NBAS: variants seen among roughly 807,000 people sequenced by gnomAD.
NBAS encodes NBAS subunit of NRZ tethering complex.
Under a neutral mutation model 302.5 loss-of-function variants are expected in NBAS, and 219 were observed. The observed-to-expected ratio is 0.72, with a 90% confidence interval of 0.65 to 0.81. The LOEUF (loss-of-function observed/expected upper bound fraction) is 0.81, where lower values mean the gene tolerates loss of function less well. Ranked by LOEUF, NBAS falls within the 30% of genes least tolerant of loss-of-function variation. The pLI is 0.00. For missense variants in NBAS, 2,932 were observed against 2,841.6 expected, an observed-to-expected ratio of 1.03 and a Z score of -0.72; for synonymous variants, 1,118 against 1,021.6, an observed-to-expected ratio of 1.09 and a Z score of -1.80.
intron 47 of NBAS, among the ~76,000 whole-genome samples, chr2:15,229,021 A>G (rs1320173874): frequency 1.3e-5 from 2 of 152,186 alleles, no homozygotes; most frequent in African/African-American, 4.8e-5. Context: ...GGATATGGTA[A>G]TTATACCAAT....
intron 10 of NBAS, among the ~76,000 whole-genome samples, chr2:15,506,749 A>C (rs1304112609): frequency 6.6e-6 from 1 of 151,904 alleles, no homozygotes; most frequent in Non-Finnish European, 1.5e-5. Context: ...AAAAGTAGAC[A>C]CCAATGTACA....
the NBAS span, among the ~76,000 whole-genome samples, chr2:15,076,403 G>A: frequency 6.6e-6 from 1 of 152,286 alleles, no homozygotes; most frequent in South Asian, 2.1e-4. Flanking sequence ...TTTTAGTCAT[G>A]CTAATTTGAA....
rs1453564044 is a variant in NBAS, at chr2:15,289,505, TG to T, written c.5028-2323del. Among the ~76,000 whole-genome samples, 15 of 152,292 alleles carry T rather than the reference TG, an allele frequency of 9.8e-5. No individual in the cohort carries two copies. The East Asian group carries it at 2.9e-3, about 29-fold the overall frequency. On this transcript the variant is annotated intron_variant, in intron 41 of 51. Coordinates refer to ENST00000281513, the MANE Select transcript of NBAS (RefSeq NM_015909.4). ...CATTACTAATTCATCCTTTCTATTA[TG>T]GGGTTATGGCACATTGCCTGGCACA...
the NBAS span, among the ~76,000 whole-genome samples, chr2:14,979,109 A>C: frequency 4.2e-4 from 64 of 152,194 alleles, 2 homozygotes; most frequent in Non-Finnish European, 3.8e-4. Flanking sequence ...GGATGTGAAG[A>C]AATTTCATTT....
chr2:15,344,625 C>A (rs755469103), intron 35 of NBAS, among the ~76,000 whole-genome samples: 1 of 152,156 alleles, frequency 6.6e-6, no homozygotes, highest in Non-Finnish European at 1.5e-5. Flanking sequence ...CTATTCCAAA[C>A]AACTGAAAAG....
the NBAS span, among the ~76,000 whole-genome samples, chr2:14,964,672 T>C: frequency 1.3e-4 from 20 of 152,258 alleles, no homozygotes; most frequent in East Asian, 3.3e-3. Flanking sequence ...AGGAAGAATA[T>C]AGATGGCTTG....
chr2:15,179,088 A>G lies in NBAS; in HGVS notation c.6740T>C (p.Leu2247Pro). ...EGVKELCLLL[L>P]NQSLLLPSLK... Reference sequence around the variant, plus strand: ...AGATGGAAGCAGGAGGGACTGGTTAAGCAGCAGCAGACACAGCTCCTTCAC... The same window carrying G: ...AGATGGAAGCAGGAGGGACTGGTTAGGCAGCAGCAGACACAGCTCCTTCAC... Residue 2247 changes from leucine to proline, a missense_variant, in exon 51 of 52, where the codon CTT (leucine) becomes CCT (proline). By Grantham distance (98) the Leu-to-Pro change is moderately conservative. Coordinates refer to ENST00000281513, the MANE Select transcript of NBAS (RefSeq NM_015909.4). The G allele has an allele frequency of 6.2e-7, 1 of 1,614,204 alleles. No homozygotes were observed. Among genetic ancestry groups the G allele is most frequent in the Non-Finnish European group, 8.5e-7 (1 of 1,180,048 alleles).
intron 11 of NBAS, among the ~76,000 whole-genome samples, chr2:15,500,986 C>G (rs190433025): frequency 2.9e-4 from 44 of 150,336 alleles, no homozygotes; most frequent in African/African-American, 1.0e-3. Flanking sequence ...ATAAATAATT[C>G]TTATTTTAAC....
At chr2:14,926,959 A>T in the NBAS span, among the ~76,000 whole-genome samples, 2 of 152,238 alleles carry the variant, frequency 1.3e-5, no homozygotes, top group Non-Finnish European at 2.9e-5. Flanking sequence ...GATGAGATTT[A>T]CATTTATATC....
the NBAS span, among the ~76,000 whole-genome samples, chr2:14,966,971 A>T: frequency 2.6e-5 from 4 of 152,234 alleles, no homozygotes; most frequent in Admixed American, 2.6e-4. Context: ...AGATCAATAT[A>T]CAAAAATCTA....
chr2:14,799,274 T>C, the NBAS span, among the ~76,000 whole-genome samples: 1 of 152,074 alleles, frequency 6.6e-6, no homozygotes, highest in Non-Finnish European at 1.5e-5. Context: ...ATTCATTCAG[T>C]CCAAAACTTT....
chr2:14,991,043 G>T, the NBAS span, among the ~76,000 whole-genome samples: 15 of 152,160 alleles, frequency 9.9e-5, no homozygotes, highest in South Asian at 2.9e-3. Context: ...AAAAGGAGGT[G>T]GTGTCTTCAT....
the NBAS span, among the ~76,000 whole-genome samples, chr2:15,088,909 A>T: frequency 6.6e-6 from 1 of 152,312 alleles, no homozygotes; most frequent in Admixed American, 6.5e-5. Context: ...CGGGCCTGTA[A>T]TTCAGACAGG....
chr2:15,240,291 C>A (rs900375874), intron 44 of NBAS, among the ~76,000 whole-genome samples: 1 of 151,940 alleles, frequency 6.6e-6, no homozygotes, highest in Non-Finnish European at 1.5e-5. Flanking sequence ...TTCCTACTAG[C>A]TCCCTCCAAG....
chr2:15,329,476 C>G (rs369151322), intron 36 of NBAS, among the ~76,000 whole-genome samples: 1 of 152,230 alleles, frequency 6.6e-6, no homozygotes, highest in African/African-American at 2.4e-5. Flanking sequence ...CTTTTCTTCT[C>G]TTTCTACAGC....
chr2:15,062,506 C>A, the NBAS span, among the ~76,000 whole-genome samples: 2 of 152,114 alleles, frequency 1.3e-5, no homozygotes, highest in East Asian at 3.9e-4. Context: ...TAGAAATGCT[C>A]GAACCTCCAG....
At position 15,504,180 on chromosome 2, in the gene NBAS, T is replaced by C. The variant is rs1245430793; in HGVS notation, c.919A>G (p.Ser307Gly). 2 of 1,613,594 alleles carry C rather than the reference T, an allele frequency of 1.2e-6. No homozygotes were observed. Among genetic ancestry groups the C allele is most frequent in the South Asian group, 2.2e-5 (2 of 91,066 alleles). Residue 307 changes from serine to glycine, a missense_variant, in exon 11 of 52, where the codon AGT becomes GGT. Ser to Gly is a moderately conservative substitution (Grantham distance 56, BLOSUM62 0). Transcript: ENST00000281513. ...CCCTGGCGACTGTAAAACTTGACAC[T>C]TAACATCCTTAATAATCCCAGTGTC... ...PKTLGLLRML[S>G]VKFYSRQGQE... is the part of the protein sequence containing the mutation.
At chr2:15,045,078 C>A in the NBAS span, among the ~76,000 whole-genome samples, 1 of 152,156 alleles carries the variant, frequency 6.6e-6, no homozygotes, top group Non-Finnish European at 1.5e-5. Context: ...GATTTCCTCC[C>A]AAAATAAATA....
chr2:15,111,787 A>T, the NBAS span, among the ~76,000 whole-genome samples: 1 of 151,476 alleles, frequency 6.6e-6, no homozygotes, highest in African/African-American at 2.4e-5. Context: ...AAGGTAGTAC[A>T]TCTACCTCTC....
Sources: allele counts gnomAD v4.1 joint callset (sites outside exome capture counted in the v4.1 genomes callset), GRCh38; gene constraint gnomAD v4.1.1; transcripts MANE v1.5; gene names NCBI Gene and HGNC (gene_info 2026-07-23, HGNC 2026-07-21).